The following MTCL1 variants were observed in gnomAD, a reference collection of about 807,000 sequenced individuals.
MTCL1 encodes microtubule cross-linking factor 1.
In MTCL1, 79 loss-of-function variants were observed where a neutral mutation model predicts 141.4. That is an observed-to-expected ratio of 0.56 (90% CI 0.47 to 0.67). The LOEUF (loss-of-function observed/expected upper bound fraction) is 0.67, where lower values mean the gene tolerates loss of function less well. Among genes scored for constraint, MTCL1 ranks in the 30% least tolerant of loss-of-function variants. The pLI, the probability that MTCL1 is intolerant of heterozygous loss-of-function variation, is 0.00. For synonymous variants in MTCL1, 914 were observed against 875.8 expected, an observed-to-expected ratio of 1.04 and a Z score of -0.77; for missense variants, 2,177 against 2,113.9, an observed-to-expected ratio of 1.03 and a Z score of -0.59.
rs1389570237 is a variant in MTCL1, at chr18:8,779,414, G to A, written c.417+1522G>A. On this transcript the variant is annotated intron_variant, in intron 5 of 16. Coordinates refer to ENST00000359865, the Ensembl canonical transcript of MTCL1. This position sits in a 1 kb window ranked among gnomAD's most constrained non-coding sequence, Gnocchi z 4.1. Reference sequence around the variant, plus strand: ...AGTTTAGACTCGGCCTTGAACCCCCGCCTCCGCTAGACTCTTGGCAGAGTT... The same window carrying A: ...AGTTTAGACTCGGCCTTGAACCCCCACCTCCGCTAGACTCTTGGCAGAGTT... Among the ~76,000 whole-genome samples the A allele has an allele frequency of 1.3e-5, 2 of 152,120 alleles. No individual in the cohort carries two copies. Among genetic ancestry groups the A allele is most frequent in the Admixed American group, 6.5e-5 (1 of 15,278 alleles).
At chr18:8,722,032 C>T (rs1389542927) in intron 4 of MTCL1, among the ~76,000 whole-genome samples, 3 of 152,178 alleles carry the variant, frequency 2.0e-5, no homozygotes, top group Non-Finnish European at 4.4e-5. Context: ...ACCCTCACCC[C>T]TTAACTTAGA....
At chr18:8,826,315 T>C (rs1598829684) in intron 15 of MTCL1, 83 bp downstream of exon 14, 2 of 1,265,254 alleles carry the variant, frequency 1.6e-6, no homozygotes, top group Non-Finnish European at 2.1e-6. Context: ...GGGATTGTGC[T>C]CTGTCATTTG....
At chr18:8,787,677 A>G (rs1043525420) in intron 7 of MTCL1, among the ~76,000 whole-genome samples, 4 of 152,264 alleles carry the variant, frequency 2.6e-5, no homozygotes, top group Non-Finnish European at 5.9e-5. Context: ...AGGGAGCGTC[A>G]TTTCCTAGAA....
intron 4 of MTCL1, among the ~76,000 whole-genome samples, chr18:8,777,152 C>A (rs2096514138): frequency 1.3e-5 from 2 of 152,180 alleles, no homozygotes; most frequent in African/African-American, 4.8e-5. Flanking sequence ...AAGAGAATGG[C>A]ATGAACCCGG....
chr18:8,814,656 C>A (rs1186905798), intron 12 of MTCL1, among the ~76,000 whole-genome samples: 1 of 152,166 alleles, frequency 6.6e-6, no homozygotes, highest in Admixed American at 6.5e-5. Flanking sequence ...TAACTCCAGG[C>A]AACTTGTCAC....
intron 10 of MTCL1, among the ~76,000 whole-genome samples, chr18:8,803,435 G>A (rs2076188822): frequency 6.6e-6 from 1 of 152,174 alleles, no homozygotes; most frequent in African/African-American, 2.4e-5. Context: ...CTGGCCATAG[G>A]AAGCACCTAT....
chr18:8,737,357 G>A (rs1035167926), intron 4 of MTCL1, among the ~76,000 whole-genome samples: 1 of 152,320 alleles, frequency 6.6e-6, no homozygotes, highest in Admixed American at 6.5e-5. Flanking sequence ...TTTAGAGAAA[G>A]CATTAAGAAG....
upstream of MTCL1, among the ~76,000 whole-genome samples, chr18:8,716,994 A>G (rs536527304): frequency 6.6e-6 from 1 of 152,312 alleles, no homozygotes; most frequent in East Asian, 1.9e-4. Context: ...ACTGGGCTGC[A>G]AGACTGGAAC....
At chr18:8,816,024 A>T (rs1481591434) in intron 12 of MTCL1, among the ~76,000 whole-genome samples, 1 of 152,256 alleles carries the variant, frequency 6.6e-6, no homozygotes, top group Non-Finnish European at 1.5e-5. Flanking sequence ...AACATTTTTA[A>T]AGAAGACTTC....
At chr18:8,831,075 C>G in intron 16 of MTCL1, 1 of 985,796 alleles carries the variant, frequency 1.0e-6, no homozygotes, top group South Asian at 4.7e-5. Flanking sequence ...TAAGCTACTC[C>G]CAGTCAATTT....
intron 4 of MTCL1, among the ~76,000 whole-genome samples, chr18:8,756,219 G>A (rs575130366): frequency 2.6e-5 from 4 of 152,132 alleles, no homozygotes; most frequent in Admixed American, 6.6e-5. Context: ...TCTGGAGGTC[G>A]TCAGACCATG....
chr18:8,826,301 A>G (rs1306865080), intron 15 of MTCL1, 69 bp downstream of exon 14: 7 of 1,365,656 alleles, frequency 5.1e-6, no homozygotes, highest in Non-Finnish European at 6.9e-6. Context: ...GCAGGTTGGG[A>G]CTTGGGATTG....
intron 4 of MTCL1, among the ~76,000 whole-genome samples, chr18:8,777,160 C>T (rs564951401): frequency 3.3e-5 from 5 of 152,270 alleles, no homozygotes; most frequent in East Asian, 1.9e-4. Context: ...GGCATGAACC[C>T]GGGAGGTGGA....
chr18:8,743,832 A>G (rs2096319028), intron 4 of MTCL1, among the ~76,000 whole-genome samples: 1 of 152,230 alleles, frequency 6.6e-6, no homozygotes, highest in South Asian at 2.1e-4. Context: ...AGCATGATAC[A>G]GTCACATATT....
At chr18:8,806,815 A>G (rs2076314292) in intron 10 of MTCL1, 78 bp from the exon 10 acceptor site, 1 of 1,376,918 alleles carries the variant, frequency 7.3e-7, no homozygotes, top group East Asian at 2.8e-5. Flanking sequence ...CACTACCTTG[A>G]TAGCCAGATC....
chr18:8,745,285 AT>A (rs1335281489), intron 4 of MTCL1, among the ~76,000 whole-genome samples: 1 of 152,062 alleles, frequency 6.6e-6, no homozygotes, highest in Non-Finnish European at 1.5e-5. Flanking sequence ...AATGGTGTTA[AT>A]TTTTTTCTTG....
intron 4 of MTCL1, among the ~76,000 whole-genome samples, chr18:8,774,076 G>T: frequency 6.6e-6 from 1 of 152,216 alleles, no homozygotes; most frequent in East Asian, 1.9e-4. Context: ...TCGCAGTGGA[G>T]AGCAGCCATA....
intron 4 of MTCL1, among the ~76,000 whole-genome samples, chr18:8,740,527 G>A (rs1406448816): frequency 6.6e-6 from 1 of 152,110 alleles, no homozygotes; most frequent in Non-Finnish European, 1.5e-5. Context: ...CTGTCACCCA[G>A]GCTGGAGTAC....
Position 8,725,776 on chromosome 18 carries a change from C to CTTT in MTCL1, c.357+5291_357+5293dup, listed in dbSNP as rs1220187127. On this transcript the variant is annotated intron_variant, in intron 4 of 16. Coordinates refer to ENST00000359865, the Ensembl canonical transcript of MTCL1. ...GCGTTATGTATTTTGGTGCCATTTTCTTTTTTTTTTTTTCTTTTTTTTTTT... is the reference window on the plus strand; with the variant it reads ...GCGTTATGTATTTTGGTGCCATTTTCTTTTTTTTTTTTTTTTCTTTTTTTTTTT... Among the ~76,000 whole-genome samples the CTTT allele has an allele frequency of 8.7e-4, 96 of 110,982 alleles. 7 individuals are homozygous for CTTT. Among genetic ancestry groups the CTTT allele is most frequent in the African/African-American group, 1.8e-3 (50 of 27,050 alleles). 72.8% of individuals were successfully genotyped at this position (110,982 alleles called of 152,430 possible).
Sources: allele counts gnomAD v4.1 joint callset (sites outside exome capture counted in the v4.1 genomes callset), GRCh38; gene constraint gnomAD v4.1.1; non-coding constraint Gnocchi (gnomAD v3.1); transcripts MANE v1.5; gene names NCBI Gene and HGNC (gene_info 2026-07-23, HGNC 2026-07-21).